USP39: variants seen among roughly 807,000 people sequenced by gnomAD.
The protein encoded by USP39 is ubiquitin carboxyl-terminal hydrolase 39.
USP39 carries 38 observed loss-of-function variants against 66.4 expected under a neutral mutation model. The observed-to-expected ratio is 0.57, with a 90% CI of 0.44 to 0.75. USP39 has a LOEUF of 0.75. Among genes scored for constraint, USP39 ranks in the 30% least tolerant of loss-of-function variants. The pLI is 0.00. For synonymous variants in USP39, 303 were observed against 274.6 expected, an observed-to-expected ratio of 1.10 and a Z score of -1.02; for missense variants, 608 against 714.4, an observed-to-expected ratio of 0.85 and a Z score of 1.70.
Position 85,637,413 on chromosome 2 carries a change from A to G in USP39, c.1072A>G (p.Lys358Glu). Residue 358 changes from lysine (K) to glutamate (E), a missense_variant, in exon 8 of 13, where the codon AAA (lysine) becomes GAA (glutamate). Around this residue, in one of 6 missense-constraint regions of USP39, gnomAD observed 72 missense variants for 60.1 expected, o/e 1.20. Coordinates refer to ENST00000323701, the MANE Select transcript of USP39 (RefSeq NM_006590.4). The stretch of plus-strand genomic sequence containing the variant: ...CCAGGGGTCCATGAGGATCTTCACT[A>G]AAAAGCTTCCCCATCCTGATCTGGT... The part of the protein sequence containing the change: ...VFQGSMRIFT[K>E]KLPHPDLPAE... The G allele has an allele frequency of 6.2e-7, 1 of 1,614,172 alleles. No individual in the cohort carries two copies. The highest frequency in any genetic ancestry group is 2.2e-5 in the East Asian group (1 of 44,882).
chr2:85,625,823 G>A (rs981982779), intron 5 of USP39, 132 bp downstream of exon 5: 25 of 1,165,064 alleles, frequency 2.1e-5, no homozygotes, highest in Non-Finnish European at 2.7e-5. Flanking sequence ...GTTTGAGCCA[G>A]CCTGGCCAAC....
intron 10 of USP39, among the ~76,000 whole-genome samples, chr2:85,644,594 G>T (rs1676499240): frequency 6.6e-6 from 1 of 151,848 alleles, no homozygotes. Flanking sequence ...ACCATGCCTG[G>T]CTAATTTTTT....
intron 10 of USP39, among the ~76,000 whole-genome samples, chr2:85,643,349 G>A (rs1676394852): frequency 6.6e-6 from 1 of 152,018 alleles, no homozygotes; most frequent in Non-Finnish European, 1.5e-5. Context: ...AATTAGCCAG[G>A]CATGGTGGTG....
At position 85,641,217 on chromosome 2, in the gene USP39, A is replaced by T; in HGVS notation, c.1427+99A>T. On this transcript the variant is annotated intron_variant, in intron 10 of 12. Coordinates refer to ENST00000323701, the MANE Select transcript of USP39 (RefSeq NM_006590.4). ...TAATTTTGGACTGTCTTAGTTGGGG[A>T]TTACAAGGAACAGAGCCTACCTACA... 2.0e-6 allele frequency: 3 copies of T among 1,473,844 alleles called. No individual in the cohort carries two copies. In the South Asian group the frequency reaches 3.7e-5, roughly 18 times the overall value. 91.3% of individuals were successfully genotyped at this position (1,473,844 alleles called of 1,614,324 possible). A position where few individuals can be genotyped will look rare whatever the true frequency, so the allele number is the denominator to read the frequency against.
At chr2:85,638,032 C>G (rs1302844052) in intron 8 of USP39, among the ~76,000 whole-genome samples, 1 of 148,976 alleles carries the variant, frequency 6.7e-6, no homozygotes, top group Non-Finnish European at 1.5e-5. Flanking sequence ...TAGAGCTTTT[C>G]TTTTTTGAGA....
chr2:85,639,455 T>C (rs79011337), intron 9 of USP39, 64 bp downstream of exon 9: 1 of 258,356 alleles, frequency 3.9e-6, no homozygotes, highest in Non-Finnish European at 5.9e-6. Flanking sequence ...TTTCATTTTC[T>C]TTTTTTTTTT....
At chr2:85,611,987 G>C, upstream of USP39, 1 of 1,527,292 alleles carries the variant, frequency 6.5e-7, no homozygotes, top group Non-Finnish European at 8.7e-7. Flanking sequence ...GCCTCCATCA[G>C]GAGCCGGGGA....
chr2:85,636,762 G>C (rs1365244826), intron 7 of USP39, among the ~76,000 whole-genome samples: 1 of 152,156 alleles, frequency 6.6e-6, no homozygotes, highest in Admixed American at 6.6e-5. Flanking sequence ...CAAAGTGCTA[G>C]GATTATAGAT....
At chr2:85,620,590 T>C (rs1238525608) in intron 2 of USP39, among the ~76,000 whole-genome samples, 1 of 152,156 alleles carries the variant, frequency 6.6e-6, no homozygotes, top group Non-Finnish European at 1.5e-5. Context: ...TTTTATTTAA[T>C]TGAATTACAG....
chr2:85,614,967 T>C (rs1439847587), upstream of USP39, among the ~76,000 whole-genome samples: 1 of 144,956 alleles, frequency 6.9e-6, no homozygotes, highest in Non-Finnish European at 1.5e-5. Context: ...CAGAATTCAG[T>C]AAATTGCACA....
At chr2:85,617,861 CTG>C (rs952983670) in intron 1 of USP39, among the ~76,000 whole-genome samples, 2 of 152,142 alleles carry the variant, frequency 1.3e-5, no homozygotes, top group Non-Finnish European at 2.9e-5. Flanking sequence ...ATTCATAAAA[CTG>C]TGACAGGCTA....
At chr2:85,608,961 C>T (rs376820834), upstream of USP39, 12 of 1,614,068 alleles carry the variant, frequency 7.4e-6, no homozygotes, top group African/African-American at 2.7e-5. Context: ...TTGGCTCTGG[C>T]GCTTTGCAAT....
At chr2:85,646,883 CTTTTTTTTT>C (rs773751290) in intron 11 of USP39, among the ~76,000 whole-genome samples, 1 of 108,534 alleles carries the variant, frequency 9.2e-6, no homozygotes, top group Non-Finnish European at 1.9e-5. Context: ...TGACCTGTTG[CTTTTTTTTT>C]TTTTTTTTTT....
At chr2:85,635,953 G>A (rs547630840) in intron 6 of USP39, 100 bp from the exon 7 acceptor site, 5 of 1,124,666 alleles carry the variant, frequency 4.4e-6, no homozygotes, top group Non-Finnish European at 6.8e-6. Context: ...GGCATGGCCA[G>A]AGAGGAAGGG....
In USP39 at chr2:85,616,277, G is replaced by A. The variant is rs867852816; in HGVS notation, c.82G>A (p.Val28Ile). The A allele has an allele frequency of 6.4e-7, 1 of 1,554,410 alleles. No homozygotes were observed. The highest frequency in any genetic ancestry group is 8.7e-7 in the Non-Finnish European group (1 of 1,148,468). ...TGAGTCGCGGGGCAGCTCCGGTCGCGTCAAGCGGGAGCGAGATCGGGAGCG... is the reference window on the plus strand; with the variant it reads ...TGAGTCGCGGGGCAGCTCCGGTCGCATCAAGCGGGAGCGAGATCGGGAGCG... ...ESESRGSSGRVKRERDREREP... is the reference protein window; with the variant it reads ...ESESRGSSGRIKRERDREREP... Residue 28 changes from valine (V) to isoleucine (I), a missense_variant, in exon 1 of 13, where the codon GTC becomes ATC. By Grantham distance (29) the Val-to-Ile change is conservative (BLOSUM62 3). Transcript: ENST00000323701.
intron 10 of USP39, among the ~76,000 whole-genome samples, chr2:85,644,204 G>T (rs1374553335): frequency 6.6e-6 from 1 of 152,142 alleles, no homozygotes; most frequent in African/African-American, 2.4e-5. Context: ...GCTGTTTCTT[G>T]TGAACTCTTC....
chr2:85,620,012 G>A (rs377292276), intron 2 of USP39, among the ~76,000 whole-genome samples: 213 of 151,988 alleles, frequency 1.4e-3, no homozygotes, highest in African/African-American at 4.7e-3. Context: ...CCGCCACCAC[G>A]CCCAGCTAAT....
chr2:85,603,589 C>G (rs1406756367), intron 1 of USP39, among the ~76,000 whole-genome samples: 1 of 150,686 alleles, frequency 6.6e-6, no homozygotes, highest in African/African-American at 2.4e-5. Flanking sequence ...TTTACTTTTT[C>G]TTTTTCTTTT....
intron 5 of USP39, among the ~76,000 whole-genome samples, chr2:85,630,101 T>C (rs1450265684): frequency 1.3e-5 from 2 of 151,824 alleles, no homozygotes; most frequent in African/African-American, 2.4e-5. Flanking sequence ...TGTGTAGTCT[T>C]TTATCCCTCA....
Sources: gnomAD v4.1 joint callset for allele counts (sites outside exome capture counted in the v4.1 genomes callset) on GRCh38, gnomAD v4.1.1 for gene constraint, gnomAD v4.1.1 regional missense constraint, MANE v1.5 for transcripts, NCBI Gene and HGNC (gene_info 2026-07-23, HGNC 2026-07-21) for gene names.